The following PTP4A2 variants were observed in gnomAD, a reference collection of about 807,000 sequenced individuals.
PTP4A2 encodes protein tyrosine phosphatase 4A2.
PTP4A2 carries 2 observed loss-of-function variants against 22.9 expected under a neutral mutation model. That is an observed-to-expected ratio of 0.09 (90% CI 0.04 to 0.27). The LOEUF is 0.27. Among genes scored for constraint, PTP4A2 ranks in the 10% least tolerant of loss-of-function variants. PTP4A2 has a pLI of 1.00. For missense variants in PTP4A2, 103 were observed against 205.1 expected, an observed-to-expected ratio of 0.50 and a Z score of 3.04; for synonymous variants, 68 against 69.1, an observed-to-expected ratio of 0.98 and a Z score of 0.08.
intron 4 of PTP4A2, 145 bp from the exon 5 acceptor site, chr1:31,910,257 AAT>A: frequency 3.4e-6 from 2 of 582,486 alleles, no homozygotes; most frequent in Non-Finnish European, 6.1e-6. Flanking sequence ...TAATACAGTA[AAT>A]ATATCTCATC....
chr1:31,930,486 C>G (rs1288670950), intron 1 of PTP4A2, among the ~76,000 whole-genome samples: 1 of 152,164 alleles, frequency 6.6e-6, no homozygotes, highest in Non-Finnish European at 1.5e-5. Context: ...GGGAAACTCT[C>G]TATGGACAAG....
rs1651209571 is a variant in PTP4A2, at chr1:31,907,048, T to C, written c.*1804A>G. ...TTCTGGGATGGGAGAGGAGAGAATC[T>C]ACAGATTTGCGTTTAGTTAAAAATC... On this transcript the variant is annotated 3_prime_UTR_variant, in exon 6 of 6. Transcript: ENST00000647444. 1 of 152,228 alleles carries C rather than the reference T, an allele frequency of 6.6e-6. No individual in the cohort carries two copies. Among genetic ancestry groups the C allele is most frequent in the East Asian group, 1.9e-4 (1 of 5,204 alleles). The allele number at this position is 152,228 out of a possible 1,614,324, so 9.4% of individuals were successfully genotyped here.
intron 1 of PTP4A2, among the ~76,000 whole-genome samples, chr1:31,925,629 G>A (rs1262352470): frequency 6.6e-6 from 1 of 151,964 alleles, no homozygotes; most frequent in South Asian, 2.1e-4. Flanking sequence ...GTGTGGTGGT[G>A]GGCGCCTGTG....
At chr1:31,918,598 C>A (rs1398065957) in intron 2 of PTP4A2, among the ~76,000 whole-genome samples, 1 of 152,184 alleles carries the variant, frequency 6.6e-6, no homozygotes, top group African/African-American at 2.4e-5. Flanking sequence ...GGTAGCTACA[C>A]CTCATAGGGT....
intron 1 of PTP4A2, among the ~76,000 whole-genome samples, chr1:31,931,623 A>G (rs991378825): frequency 6.6e-6 from 1 of 152,110 alleles, no homozygotes; most frequent in Admixed American, 6.6e-5. Context: ...CCTGTTGATG[A>G]CCTCCAAATG....
chr1:31,914,215 T>C (rs1651698744), intron 3 of PTP4A2: 1 of 453,356 alleles, frequency 2.2e-6, no homozygotes, highest in South Asian at 1.6e-5. Flanking sequence ...TATAGGTGCA[T>C]GCCATCACGT....
Position 31,918,961 on chromosome 1 carries a change from C to T in PTP4A2, c.96+9G>A, listed in dbSNP as rs894122260. 3.3e-6 allele frequency: 5 copies of T among 1,494,400 alleles called. No homozygotes were observed. The African/African-American group carries it at 4.2e-5, about 12-fold the overall frequency. The allele number at this position is 1,494,400 out of a possible 1,614,324, so 92.6% of individuals were successfully genotyped here. A position where few individuals can be genotyped will look rare whatever the true frequency, so the allele number is the denominator to read the frequency against. On this transcript the variant is annotated intron_variant, in intron 2 of 5. Coordinates refer to ENST00000647444, the MANE Select transcript of PTP4A2 (RefSeq NM_080391.4). ...TCAATCCAAAAAGTAGACCATGCCA[C>T]AATCTTACCTCTGTGAACTTGTTGA...
intron 1 of PTP4A2, chr1:31,932,535 C>T (rs143492141): frequency 1.3e-5 from 2 of 152,266 alleles, no homozygotes; most frequent in East Asian, 3.9e-4. Flanking sequence ...AAACAAAAAC[C>T]GTCTACATTC....
intron 1 of PTP4A2, among the ~76,000 whole-genome samples, chr1:31,920,535 AC>A (rs1357880234): frequency 6.8e-6 from 1 of 147,720 alleles, no homozygotes; most frequent in Admixed American, 6.8e-5. Context: ...ACTTCCATGA[AC>A]TTTTTTTTTT....
At chr1:31,922,557 T>C (rs1336156381) in intron 1 of PTP4A2, among the ~76,000 whole-genome samples, 1 of 152,162 alleles carries the variant, frequency 6.6e-6, no homozygotes, top group Non-Finnish European at 1.5e-5. Context: ...TGCTAACTGG[T>C]AGCAGCTTAA....
In PTP4A2 at chr1:31,929,146, G is replaced by A. The variant is rs973449086; in HGVS notation, c.-594+8841C>T. On this transcript the variant is annotated intron_variant, in intron 1 of 5. Transcript: ENST00000647444. The stretch of plus-strand genomic sequence containing the variant: ...TTAAAAATATTTACTTTACAATTTT[G>A]TACTCCATTTTTCCTCTAAAGATTT... Among the ~76,000 whole-genome samples the A allele has an allele frequency of 3.3e-5, 5 of 152,094 alleles. 1 individual carries two copies. The highest frequency in any genetic ancestry group is 2.6e-4 in the Admixed American group (4 of 15,276).
intron 2 of PTP4A2, among the ~76,000 whole-genome samples, chr1:31,918,453 T>C (rs989943949): frequency 1.3e-5 from 2 of 152,188 alleles, no homozygotes; most frequent in Admixed American, 6.5e-5. Flanking sequence ...GGTTAGAATA[T>C]CTGAAGTACA....
At chr1:31,909,594 C>T (rs1651424549) in intron 5 of PTP4A2, among the ~76,000 whole-genome samples, 1 of 151,906 alleles carries the variant, frequency 6.6e-6, no homozygotes, top group South Asian at 2.1e-4. Flanking sequence ...ATCGCTTGAA[C>T]CCAGGAGGCA....
chr1:31,921,912 A>G (rs1024598525), intron 1 of PTP4A2: 25 of 152,234 alleles, frequency 1.6e-4, no homozygotes, highest in Admixed American at 1.6e-3. Flanking sequence ...TAAAACTAAA[A>G]TAATATAAAA....
chr1:31,913,088 A>G, intron 3 of PTP4A2: 1 of 427,934 alleles, frequency 2.3e-6, no homozygotes, highest in Non-Finnish European at 4.6e-6. Context: ...TTTTTAAAAA[A>G]ATCATTAATC....
At chr1:31,930,365 C>T (rs1292812492) in intron 1 of PTP4A2, among the ~76,000 whole-genome samples, 1 of 152,054 alleles carries the variant, frequency 6.6e-6, no homozygotes, top group African/African-American at 2.4e-5. Context: ...TACCATATCT[C>T]AGAACTTAGT....
intron 1 of PTP4A2, among the ~76,000 whole-genome samples, chr1:31,935,052 A>G (rs1268334848): frequency 1.3e-5 from 2 of 152,250 alleles, no homozygotes; most frequent in Non-Finnish European, 2.9e-5. Context: ...ATAATTAACA[A>G]AGTGCTTTCA....
chr1:31,926,432 C>T (rs1220633840), intron 1 of PTP4A2, among the ~76,000 whole-genome samples: 3 of 152,008 alleles, frequency 2.0e-5, no homozygotes, highest in African/African-American at 7.2e-5. Flanking sequence ...GGAAGTAATG[C>T]AAATTTGAGT....
intron 1 of PTP4A2, among the ~76,000 whole-genome samples, chr1:31,921,158 T>C (rs1178312131): frequency 6.6e-6 from 1 of 152,198 alleles, no homozygotes; most frequent in Non-Finnish European, 1.5e-5. Flanking sequence ...GAATTGATTT[T>C]TTAAAAATCA....
Sources: allele counts gnomAD v4.1 joint callset (sites outside exome capture counted in the v4.1 genomes callset), GRCh38; gene constraint gnomAD v4.1.1; transcripts MANE v1.5; gene names NCBI Gene and HGNC (gene_info 2026-07-23, HGNC 2026-07-21).